The following ABRACL variants were observed in gnomAD, a reference collection of about 807,000 sequenced individuals.
ABRACL encodes the protein costars family protein ABRACL.
In ABRACL, 4 loss-of-function variants were observed where a neutral mutation model predicts 7.0. The observed-to-expected ratio is 0.57, with a 90% CI of 0.28 to 1.30. The LOEUF is 1.30. Among genes scored for constraint, ABRACL ranks in the 50% most tolerant of loss-of-function variants. The pLI, the probability that ABRACL is intolerant of heterozygous loss-of-function variation, is 0.10. For synonymous variants in ABRACL, 30 were observed against 36.0 expected (o/e 0.83, Z 0.60); for missense variants, 104 against 97.3 (o/e 1.07, Z -0.29).
intron 2 of ABRACL, among the ~76,000 whole-genome samples, chr6:139,038,442 G>A (rs1303725704): frequency 1.3e-5 from 2 of 152,176 alleles, no homozygotes; most frequent in Non-Finnish European, 1.5e-5. Context: ...ACGTGTTATG[G>A]TTAATTATTT....
chr6:139,039,616 T>C (rs1786214841), intron 2 of ABRACL, among the ~76,000 whole-genome samples: 1 of 152,194 alleles, frequency 6.6e-6, no homozygotes. Flanking sequence ...GGCAGACGGC[T>C]GAACACGGGC....
chr6:139,029,521 T>A (rs1562217832), intron 1 of ABRACL, among the ~76,000 whole-genome samples: 1 of 151,974 alleles, frequency 6.6e-6, no homozygotes, highest in Non-Finnish European at 1.5e-5. Context: ...GACGCGGCCC[T>A]TCCCGGGCGC....
chr6:139,041,529 A>ATTTTTTTTTTT (rs144355709), intron 2 of ABRACL, among the ~76,000 whole-genome samples: 1 of 85,650 alleles, frequency 1.2e-5, no homozygotes, highest in Non-Finnish European at 2.1e-5. Context: ...ATATATATAT[A>ATTTTTTTTTTT]TATTTTTTTT....
At chr6:139,029,680 A>G (rs1786050402) in intron 1 of ABRACL, among the ~76,000 whole-genome samples, 1 of 152,048 alleles carries the variant, frequency 6.6e-6, no homozygotes, top group Non-Finnish European at 1.5e-5. Flanking sequence ...AGAATGGCCA[A>G]ATATGGAGTG....
intron 1 of ABRACL, among the ~76,000 whole-genome samples, chr6:139,032,456 G>A (rs762775282): frequency 3.0e-4 from 45 of 152,292 alleles, no homozygotes; most frequent in Middle Eastern, 6.8e-3. Flanking sequence ...AATATTTTGC[G>A]TTTTATTGCA....
At chr6:139,034,344 G>A in intron 2 of ABRACL, 123 bp downstream of exon 2, 4 of 1,583,828 alleles carry the variant, frequency 2.5e-6, no homozygotes, top group Non-Finnish European at 3.4e-6. Context: ...TGGGAGCTCT[G>A]CCCACAGCCC....
intron 2 of ABRACL, among the ~76,000 whole-genome samples, chr6:139,038,103 T>C (rs1320960771): frequency 6.6e-6 from 1 of 152,182 alleles, no homozygotes; most frequent in Non-Finnish European, 1.5e-5. Context: ...TGGATAGTTA[T>C]AGGTGTTACA....
intron 2 of ABRACL, among the ~76,000 whole-genome samples, chr6:139,035,422 C>G (rs1364305713): frequency 6.6e-6 from 1 of 152,084 alleles, no homozygotes; most frequent in Non-Finnish European, 1.5e-5. Context: ...GTTTCTCTGT[C>G]TTCAAAGCGA....
At chr6:139,030,009 A>G (rs1786056785) in intron 1 of ABRACL, among the ~76,000 whole-genome samples, 1 of 152,058 alleles carries the variant, frequency 6.6e-6, no homozygotes, top group Non-Finnish European at 1.5e-5. Flanking sequence ...TCCCACGCAC[A>G]AAGCCGAAAT....
intron 1 of ABRACL, among the ~76,000 whole-genome samples, chr6:139,033,380 T>C (rs564021405): frequency 6.6e-6 from 1 of 152,392 alleles, no homozygotes; most frequent in South Asian, 2.1e-4. Flanking sequence ...TACTGGGCAC[T>C]GCCCAGAGAA....
chr6:139,037,758 ATTGTTT>A (rs1786185201), intron 2 of ABRACL, among the ~76,000 whole-genome samples: 1 of 143,904 alleles, frequency 6.9e-6, no homozygotes, highest in African/African-American at 2.6e-5. Flanking sequence ...CAGCATTATT[ATTGTTT>A]TTTTCTTTTT....
At chr6:139,041,660 C>T (rs537536283) in intron 2 of ABRACL, among the ~76,000 whole-genome samples, 6 of 151,584 alleles carry the variant, frequency 4.0e-5, no homozygotes, top group East Asian at 3.9e-4. Flanking sequence ...TGCACTCGGC[C>T]GGGATGTATT....
intron 2 of ABRACL, among the ~76,000 whole-genome samples, chr6:139,041,574 T>C (rs6928096): frequency 0.93 from 132,811 of 143,404 alleles, 61,575 homozygotes; most frequent in East Asian, 1. Flanking sequence ...TTGCTAAGGT[T>C]GGTGTCAAAC....
At chr6:139,030,981 G>T (rs1197893733) in intron 1 of ABRACL, among the ~76,000 whole-genome samples, 1 of 152,120 alleles carries the variant, frequency 6.6e-6, no homozygotes, top group Admixed American at 6.5e-5. Context: ...TATAATGCAG[G>T]TATGCGTACT....
At chr6:139,032,387 C>A (rs1429063671) in intron 1 of ABRACL, among the ~76,000 whole-genome samples, 1 of 152,184 alleles carries the variant, frequency 6.6e-6, no homozygotes, top group Non-Finnish European at 1.5e-5. Flanking sequence ...AACACAAAGT[C>A]CTCAATATTT....
chr6:139,034,187 C>T lies in ABRACL; in HGVS notation c.27C>T (p.Leu9=). The part of the protein sequence containing the change: MNVDHEVN[L]LVEEIHRLGS... The stretch of plus-strand genomic sequence containing the variant: ...TGAATGTGGATCACGAGGTTAACCT[C>T]TTAGTGGAGGAAATTCATCGTTTGG... The change falls in exon 2 of 3, where the codon CTC becomes CTT. Residue 9 remains leucine, a synonymous_variant. Coordinates refer to ENST00000367660, the MANE Select transcript of ABRACL (RefSeq NM_021243.3). The T allele has an allele frequency of 2.5e-6, 4 of 1,614,174 alleles. No individual in the cohort carries two copies. Among genetic ancestry groups the T allele is most frequent in the Non-Finnish European group, 2.5e-6 (3 of 1,180,040 alleles).
chr6:139,034,476 C>T, intron 2 of ABRACL: 1 of 1,406,078 alleles, frequency 7.1e-7, no homozygotes, highest in Non-Finnish European at 9.4e-7. Flanking sequence ...AAGCAAATTA[C>T]CAAGCTTCTT....
intron 1 of ABRACL, among the ~76,000 whole-genome samples, chr6:139,032,815 A>T (rs1203980024): frequency 2.0e-5 from 3 of 152,116 alleles, no homozygotes; most frequent in Non-Finnish European, 2.9e-5. Flanking sequence ...TGTACTTCCA[A>T]TCCCTCTCAT....
At chr6:139,036,704 C>A (rs1014952914) in intron 2 of ABRACL, among the ~76,000 whole-genome samples, 2 of 152,158 alleles carry the variant, frequency 1.3e-5, no homozygotes, top group Non-Finnish European at 2.9e-5. Context: ...ATCTCATAGT[C>A]CAGGTGCCAT....
Sources: gnomAD v4.1 joint callset for allele counts (sites outside exome capture counted in the v4.1 genomes callset) on GRCh38, gnomAD v4.1.1 for gene constraint, MANE v1.5 for transcripts, NCBI Gene and HGNC (gene_info 2026-07-23, HGNC 2026-07-21) for gene names.